Variants in EXOC4 observed in about 807,000 individuals in gnomAD.
The protein encoded by EXOC4 is SEC8-like 1.
A neutral mutation model predicts 107.2 loss-of-function variants in EXOC4; 71 were observed. That is an observed-to-expected ratio of 0.66 (90% CI 0.55 to 0.81). The LOEUF (loss-of-function observed/expected upper bound fraction) is 0.81. Among genes scored for constraint, EXOC4 ranks in the 30% least tolerant of loss-of-function variants. The probability of loss-of-function intolerance (pLI) is 0.00; values close to 1 mark genes in which losing one functional copy is unlikely to be tolerated. For synonymous variants in EXOC4, 456 were observed against 441.2 expected (o/e 1.03, Z -0.42); for missense variants, 1,108 against 1,189.6 (o/e 0.93, Z 1.01).
At chr7:133,488,184 T>G (rs1461652630) in intron 9 of EXOC4, among the ~76,000 whole-genome samples, 1 of 152,194 alleles carries the variant, frequency 6.6e-6, no homozygotes, top group Admixed American at 6.5e-5. Flanking sequence ...AGCTATTAAT[T>G]AACAAAATTC....
At chr7:133,380,129 A>G (rs1796581428) in intron 7 of EXOC4, among the ~76,000 whole-genome samples, 1 of 151,834 alleles carries the variant, frequency 6.6e-6, no homozygotes, top group Non-Finnish European at 1.5e-5. Flanking sequence ...TAGGAGATAT[A>G]CCTAATGTAA....
chr7:133,695,252 T>C (rs1280399784), intron 10 of EXOC4, among the ~76,000 whole-genome samples: 1 of 152,182 alleles, frequency 6.6e-6, no homozygotes, highest in Non-Finnish European at 1.5e-5. Context: ...GGTTTTTTTA[T>C]TTAACATAAC....
At chr7:133,666,717 C>T (rs931564751) in intron 10 of EXOC4, among the ~76,000 whole-genome samples, 1 of 152,160 alleles carries the variant, frequency 6.6e-6, no homozygotes, top group African/African-American at 2.4e-5. Flanking sequence ...ATTCCAGACA[C>T]TATGCCAGTC....
chr7:133,490,638 T>G (rs942573868), intron 9 of EXOC4, among the ~76,000 whole-genome samples: 7 of 152,186 alleles, frequency 4.6e-5, no homozygotes, highest in Non-Finnish European at 1.0e-4. Flanking sequence ...TTTTACTGAT[T>G]ATAATTTGTT....
chr7:133,351,719 G>C lies in EXOC4; in HGVS notation c.764-4611G>C, dbSNP rs981100901. Among the ~76,000 whole-genome samples the C allele has an allele frequency of 2.0e-5, 3 of 151,698 alleles. No individual in the cohort carries two copies. In the East Asian group the frequency reaches 5.8e-4, roughly 29 times the overall value. ...TCTTTATATTTACTTTTTTCTGCTA[G>C]CTTTGGTTAGTTTGTTCTGTTTTCA... is the stretch of plus-strand genomic sequence containing the variant. On this transcript the variant is annotated intron_variant, in intron 5 of 17. Coordinates refer to ENST00000253861, the MANE Select transcript of EXOC4 (RefSeq NM_021807.4).
chr7:133,922,570 G>A (rs1368077022), intron 13 of EXOC4, among the ~76,000 whole-genome samples: 1 of 152,078 alleles, frequency 6.6e-6, no homozygotes, highest in Admixed American at 6.6e-5. Flanking sequence ...TACATGGCCG[G>A]GCGCGGTGGC....
At chr7:134,085,333 A>AAC in the EXOC4 span, among the ~76,000 whole-genome samples, 8 of 25,030 alleles carry the variant, frequency 3.2e-4, no homozygotes, top group East Asian at 5.3e-3. Flanking sequence ...CAAAAACAAC[A>AAC]AAAAAAAAAA....
the EXOC4 span, among the ~76,000 whole-genome samples, chr7:134,072,092 T>C: frequency 6.6e-6 from 1 of 152,190 alleles, no homozygotes; most frequent in African/African-American, 2.4e-5. Context: ...AACCTTTGGT[T>C]CAGGGGCTGA....
intron 5 of EXOC4, among the ~76,000 whole-genome samples, chr7:133,339,191 G>A (rs1795601702): frequency 6.6e-6 from 1 of 152,152 alleles, no homozygotes; most frequent in Admixed American, 6.5e-5. Flanking sequence ...TGCTGTGAAT[G>A]CCATTATTTT....
chr7:133,274,983 A>G lies in EXOC4; in HGVS notation c.88A>G (p.Thr30Ala), dbSNP rs1562997773. The G allele has an allele frequency of 6.3e-7, 1 of 1,597,952 alleles. No individual in the cohort carries two copies. The highest frequency in any genetic ancestry group is 8.5e-7 in the Non-Finnish European group (1 of 1,172,232). The change falls in exon 2 of 18, where the codon ACT (threonine) becomes GCT (alanine). Residue 30 changes from threonine to alanine, a missense_variant and splice_region_variant. Coordinates refer to ENST00000253861, the MANE Select transcript of EXOC4 (RefSeq NM_021807.4). ...PSGLLISVIR[T>A]LSTSDDVEDR... ...TGATATACTCTCTGCCTTCACCAGG[A>G]CTCTGTCTACTAGTGACGATGTCGA...
At chr7:133,711,592 G>A (rs773501440) in intron 10 of EXOC4, among the ~76,000 whole-genome samples, 1 of 152,228 alleles carries the variant, frequency 6.6e-6, no homozygotes, top group South Asian at 2.1e-4. Flanking sequence ...TGTATACTCA[G>A]TGCCATTATC....
intron 15 of EXOC4, among the ~76,000 whole-genome samples, chr7:134,001,736 G>C (rs1794535419): frequency 6.6e-6 from 1 of 152,162 alleles, no homozygotes; most frequent in Non-Finnish European, 1.5e-5. Context: ...TGGCTTCTAG[G>C]ATAAAGGCTT....
chr7:133,270,226 G>A (rs184793522), intron 1 of EXOC4, among the ~76,000 whole-genome samples: 23 of 152,274 alleles, frequency 1.5e-4, no homozygotes, highest in African/African-American at 5.5e-4. Context: ...ATGTGGAATT[G>A]TAAGTCCAGT....
At chr7:133,971,361 TAGAG>T (rs1186165891) in intron 14 of EXOC4, among the ~76,000 whole-genome samples, 2,150 of 74,480 alleles carry the variant, frequency 0.029, 34 homozygotes, top group Non-Finnish European at 0.038. Context: ...TATATATATA[TAGAG>T]AGAGAGAGAG....
intron 10 of EXOC4, among the ~76,000 whole-genome samples, chr7:133,699,306 T>C (rs1459239865): frequency 6.6e-6 from 1 of 152,134 alleles, no homozygotes; most frequent in Non-Finnish European, 1.5e-5. Flanking sequence ...CCCCAGTCTG[T>C]ACCTGCAATG....
At chr7:133,886,971 C>T (rs1189429852) in intron 11 of EXOC4, among the ~76,000 whole-genome samples, 1 of 152,186 alleles carries the variant, frequency 6.6e-6, no homozygotes, top group Non-Finnish European at 1.5e-5. Context: ...ATCCAGAGTG[C>T]TACCATGACA....
At chr7:133,462,556 T>G (rs1798619393) in intron 7 of EXOC4, among the ~76,000 whole-genome samples, 1 of 152,216 alleles carries the variant, frequency 6.6e-6, no homozygotes, top group Admixed American at 6.5e-5. Flanking sequence ...TGGGGTTGGC[T>G]TCATCTCCAT....
intron 1 of EXOC4, among the ~76,000 whole-genome samples, chr7:133,264,601 GTA>G (rs1335646049): frequency 6.6e-6 from 1 of 152,004 alleles, no homozygotes; most frequent in Non-Finnish European, 1.5e-5. Context: ...GAGGGAAGCC[GTA>G]TCTTATGTGA....
chr7:133,361,045 C>G (rs533209440), intron 6 of EXOC4, among the ~76,000 whole-genome samples: 7 of 152,134 alleles, frequency 4.6e-5, no homozygotes, highest in African/African-American at 1.7e-4. Flanking sequence ...GCACAGTGCC[C>G]ACCTGACCCA....
Sources: allele counts gnomAD v4.1 joint callset (sites outside exome capture counted in the v4.1 genomes callset), GRCh38; gene constraint gnomAD v4.1.1; transcripts MANE v1.5; gene names NCBI Gene and HGNC (gene_info 2026-07-23, HGNC 2026-07-21).